The following SCARB1 variants were observed in gnomAD, a reference collection of about 807,000 sequenced individuals.
The protein encoded by SCARB1 is scavenger receptor class B member 1, also known as CD36 and LIMPII analogous 1.
In SCARB1, 30 loss-of-function variants were observed where a neutral mutation model predicts 57.2. The observed-to-expected ratio is 0.52, with a 90% confidence interval of 0.39 to 0.71. SCARB1 has a LOEUF of 0.71. Ranked by LOEUF, SCARB1 falls within the 30% of genes least tolerant of loss-of-function variation. The pLI is 0.00. For missense variants in SCARB1, 543 were observed against 671.2 expected (o/e 0.81, Z 2.11); for synonymous variants, 249 against 268.3 (o/e 0.93, Z 0.70).
At chr12:124,805,478 C>A (rs1371551364) in intron 7 of SCARB1, among the ~76,000 whole-genome samples, 6 of 152,152 alleles carry the variant, frequency 3.9e-5, no homozygotes, top group Non-Finnish European at 7.4e-5. Context: ...GGGGCTGGAT[C>A]CTGCAGGGCC....
Position 124,862,756 on chromosome 12 carries a change from C to CA in SCARB1, c.126+838_126+839insT, listed in dbSNP as rs1391957380. On this transcript the variant is annotated intron_variant, in intron 1 of 12. Transcript: ENST00000261693. ...TGTGATACTCTGCAATCTCCCAGCC[C>CA]TTCCCTAACTCCAGGCTCATTCAAA... Among the ~76,000 whole-genome samples the CA allele has an allele frequency of 3.7e-5, 5 of 133,900 alleles. No homozygotes were observed. The East Asian group carries it at 6.5e-4, about 17-fold the overall frequency. The allele number at this position is 133,900 out of a possible 152,430, so 87.8% of individuals were successfully genotyped here.
intron 12 of SCARB1, 137 bp downstream of exon 12, chr12:124,782,546 A>G: frequency 1.2e-6 from 1 of 850,784 alleles, no homozygotes; most frequent in East Asian, 2.5e-5. Context: ...ATACACAAAT[A>G]TGCATCTTCA....
At chr12:124,824,124 C>T (rs374278458) in intron 1 of SCARB1, among the ~76,000 whole-genome samples, 5 of 149,550 alleles carry the variant, frequency 3.3e-5, no homozygotes, top group African/African-American at 1.2e-4. Context: ...CAGTGAGAGC[C>T]GAGATCGCGC....
At chr12:124,798,377 C>T (rs1384769894) in intron 8 of SCARB1, among the ~76,000 whole-genome samples, 3 of 152,052 alleles carry the variant, frequency 2.0e-5, no homozygotes, top group Non-Finnish European at 4.4e-5. Context: ...TGCCACTGCA[C>T]TCCAGCCTGG....
intron 12 of SCARB1, among the ~76,000 whole-genome samples, chr12:124,779,029 C>T (rs1179751596): frequency 2.6e-5 from 4 of 152,290 alleles, no homozygotes; most frequent in South Asian, 4.1e-4. Flanking sequence ...TGGCTCACCA[C>T]GGCCTTGAAC....
intron 9 of SCARB1, 93 bp downstream of exon 9, chr12:124,795,102 C>T: frequency 9.4e-7 from 1 of 1,058,420 alleles, no homozygotes; most frequent in Non-Finnish European, 1.5e-6. Flanking sequence ...GCCCTGGTTC[C>T]TGGGGTATGT....
At chr12:124,819,946 G>A (rs766403942) in intron 1 of SCARB1, among the ~76,000 whole-genome samples, 9 of 152,226 alleles carry the variant, frequency 5.9e-5, no homozygotes, top group South Asian at 4.1e-4. Flanking sequence ...TTTGACCTAC[G>A]TGGCGTGTCA....
At chr12:124,802,730 C>T (rs1351549750) in intron 7 of SCARB1, among the ~76,000 whole-genome samples, 4 of 152,188 alleles carry the variant, frequency 2.6e-5, no homozygotes, top group African/African-American at 7.2e-5. Context: ...TCTAGCCAGA[C>T]ATAATTGCCC....
intron 1 of SCARB1, among the ~76,000 whole-genome samples, chr12:124,855,960 C>G (rs1042499494): frequency 1.6e-4 from 25 of 152,242 alleles, no homozygotes; most frequent in African/African-American, 5.3e-4. Flanking sequence ...GGACTCACTT[C>G]CATCCCATTT....
intron 1 of SCARB1, among the ~76,000 whole-genome samples, chr12:124,858,745 G>A (rs1423955087): frequency 6.6e-6 from 1 of 152,042 alleles, no homozygotes; most frequent in East Asian, 1.9e-4. Flanking sequence ...TGGGTGCGGT[G>A]GCGGGCGCCT....
Position 124,822,685 on chromosome 12 carries a change from G to A in SCARB1, c.127-4978C>T, listed in dbSNP as rs1950993894. ...GAATTTCTTGAAGCCAGGAGTTCAA[G>A]ACCAGCCTGGGCAACATGGTGAAAC... On this transcript the variant is annotated intron_variant, in intron 1 of 12. Coordinates refer to ENST00000261693, the MANE Select transcript of SCARB1 (RefSeq NM_005505.5). The surrounding 1 kb of genome is among the most constrained non-coding windows in gnomAD (Gnocchi z 5.0). Among the ~76,000 whole-genome samples, 1 of 152,208 alleles carries A rather than the reference G, an allele frequency of 6.6e-6. No individual in the cohort carries two copies. Among genetic ancestry groups the A allele is most frequent in the Non-Finnish European group, 1.5e-5 (1 of 68,026 alleles).
Position 124,797,802 on chromosome 12 carries a change from AG to A in SCARB1, c.1128+2321del, listed in dbSNP as rs1423659074. 3.5e-4 allele frequency among the ~76,000 whole-genome samples: 54 copies of A among 152,264 alleles called. 1 individual carries two copies. Among genetic ancestry groups the A allele is most frequent in the Non-Finnish European group, 5.0e-4 (34 of 68,054 alleles). The stretch of plus-strand genomic sequence containing the variant: ...GCCGAGAGGGCCTAGTCAGCGGCTA[AG>A]GAGGCCTGGGAGGACAAAGAAAAAT... On this transcript the variant is annotated intron_variant, in intron 8 of 12. Coordinates refer to ENST00000261693, the MANE Select transcript of SCARB1 (RefSeq NM_005505.5).
intron 12 of SCARB1, among the ~76,000 whole-genome samples, chr12:124,778,864 A>AG (rs1030868496): frequency 1.3e-5 from 2 of 152,166 alleles, no homozygotes; most frequent in African/African-American, 4.8e-5. Flanking sequence ...GGGCAGAGCA[A>AG]GGGGGGCGGC....
At position 124,852,103 on chromosome 12, in the gene SCARB1, C is replaced by T. The variant is rs944367852; in HGVS notation, c.126+11492G>A. Among the ~76,000 whole-genome samples, 116 of 152,252 alleles carry T rather than the reference C, an allele frequency of 7.6e-4. 1 individual carries two copies. The highest frequency in any genetic ancestry group is 2.4e-3 in the African/African-American group (100 of 41,540). ...GAGGTGGCCCCAGAAACAGCCTCCACGCTTCCTGTGGCCCTTCCACCATGA... is the reference window on the plus strand; with the variant it reads ...GAGGTGGCCCCAGAAACAGCCTCCATGCTTCCTGTGGCCCTTCCACCATGA... On this transcript the variant is annotated intron_variant, in intron 1 of 12. Coordinates refer to ENST00000261693, the MANE Select transcript of SCARB1 (RefSeq NM_005505.5).
At chr12:124,790,009 C>CAA (rs61031862) in intron 9 of SCARB1, among the ~76,000 whole-genome samples, 5 of 106,130 alleles carry the variant, frequency 4.7e-5, no homozygotes, top group East Asian at 2.9e-4. Flanking sequence ...GACTCCGTCT[C>CAA]AAAAAAAAAA....
intron 1 of SCARB1, among the ~76,000 whole-genome samples, chr12:124,824,112 T>C (rs529294223): frequency 6.7e-6 from 1 of 149,538 alleles, no homozygotes; most frequent in Admixed American, 6.7e-5. Context: ...AGGCGGAGGT[T>C]GCAGTGAGAG....
chr12:124,787,724 CTTTAG>C (rs1426321272), intron 9 of SCARB1, among the ~76,000 whole-genome samples: 2 of 144,632 alleles, frequency 1.4e-5, no homozygotes, highest in African/African-American at 5.1e-5. Flanking sequence ...TTTTTTTTTT[CTTTAG>C]TTGACAAGGT....
At chr12:124,794,717 G>A (rs1247423804) in intron 9 of SCARB1, among the ~76,000 whole-genome samples, 3 of 152,154 alleles carry the variant, frequency 2.0e-5, no homozygotes, top group Non-Finnish European at 2.9e-5. Context: ...GATCACTTGA[G>A]GCCAGGAGTT....
chr12:124,797,591 A>G (rs1014040543), intron 8 of SCARB1, among the ~76,000 whole-genome samples: 1 of 152,176 alleles, frequency 6.6e-6, no homozygotes, highest in Non-Finnish European at 1.5e-5. Context: ...TGGGCTCCCA[A>G]ACTTAACCCC....
Sources: gnomAD v4.1 joint callset for allele counts (sites outside exome capture counted in the v4.1 genomes callset) on GRCh38, gnomAD v4.1.1 for gene constraint, Gnocchi (gnomAD v3.1) non-coding constraint, MANE v1.5 for transcripts, NCBI Gene and HGNC (gene_info 2026-07-23, HGNC 2026-07-21) for gene names.